Variants in COG5 observed in about 807,000 individuals in gnomAD.
COG5 encodes the protein conserved oligomeric Golgi complex subunit 5.
A neutral mutation model predicts 110.4 loss-of-function variants in COG5; 86 were observed. The ratio of observed to expected loss-of-function variants is 0.78; its 90% CI spans 0.65 to 0.93. The LOEUF (loss-of-function observed/expected upper bound fraction) is 0.93. Among genes scored for constraint, COG5 ranks in the 40% least tolerant of loss-of-function variants. The pLI is 0.00. For synonymous variants in COG5, 360 were observed against 334.6 expected (o/e 1.08, Z -0.83); for missense variants, 1,077 against 987.0 (o/e 1.09, Z -1.22).
Position 107,548,265 on chromosome 7 carries a change from T to C in COG5, c.347+13A>G. On this transcript the variant is annotated intron_variant, in intron 4 of 21. Coordinates refer to ENST00000297135, the MANE Select transcript of COG5 (RefSeq NM_006348.5). ...ATTCCCATTCCATTTATTTATAAAA[T>C]TAAGAACAGTACCTATCAACAGCTC... 1 of 1,609,064 alleles carries C rather than the reference T, an allele frequency of 6.2e-7. No individual in the cohort carries two copies. Among genetic ancestry groups the C allele is most frequent in the Non-Finnish European group, 8.5e-7 (1 of 1,175,450 alleles).
At position 107,548,097 on chromosome 7, in the gene COG5, A is replaced by C. The variant is rs1414164483; in HGVS notation, c.417+14T>G. On this transcript the variant is annotated intron_variant, in intron 5 of 21. Transcript: ENST00000297135. ...TGAATAATAAAGTATAAAGAAATAA[A>C]AGTAAGAAACTACCTGAAGTCTTGC... is the stretch of plus-strand genomic sequence containing the variant. The C allele has an allele frequency of 6.2e-7, 1 of 1,604,300 alleles. No individual in the cohort carries two copies. Among genetic ancestry groups the C allele is most frequent in the South Asian group, 1.1e-5 (1 of 90,728 alleles).
chr7:107,348,095 C>T (rs975334365), intron 10 of COG5, among the ~76,000 whole-genome samples: 1 of 127,432 alleles, frequency 7.8e-6, no homozygotes, highest in African/African-American at 3.0e-5. Flanking sequence ...CACTGAACTC[C>T]AGCCTGGGTG....
At chr7:107,302,102 T>C (rs912717285) in intron 11 of COG5, among the ~76,000 whole-genome samples, 1 of 152,232 alleles carries the variant, frequency 6.6e-6, no homozygotes, top group African/African-American at 2.4e-5. Flanking sequence ...ACAGTATCTT[T>C]ATTTGTAGTA....
intron 19 of COG5, among the ~76,000 whole-genome samples, chr7:107,211,785 T>C (rs1418196173): frequency 2.0e-5 from 3 of 152,368 alleles, no homozygotes; most frequent in African/African-American, 2.4e-5. Flanking sequence ...ATGGGTTTCA[T>C]TGTCCACATT....
chr7:107,364,185 T>C (rs376190033), intron 8 of COG5, among the ~76,000 whole-genome samples: 3 of 152,194 alleles, frequency 2.0e-5, no homozygotes, highest in African/African-American at 7.2e-5. Flanking sequence ...ATCTTACCAA[T>C]AGTATGTTTA....
chr7:107,254,304 C>T (rs902003103), intron 16 of COG5, among the ~76,000 whole-genome samples: 2 of 152,092 alleles, frequency 1.3e-5, no homozygotes, highest in African/African-American at 4.8e-5. Context: ...TACATCGTAA[C>T]TCTCTACCTT....
chr7:107,466,183 G>A (rs1022159119), intron 6 of COG5, among the ~76,000 whole-genome samples: 1 of 152,086 alleles, frequency 6.6e-6, no homozygotes, highest in African/African-American at 2.4e-5. Context: ...GGCAAAGAGG[G>A]ATAGTAAGCA....
intron 6 of COG5, among the ~76,000 whole-genome samples, chr7:107,486,694 G>T (rs1351072021): frequency 6.6e-6 from 1 of 152,104 alleles, no homozygotes; most frequent in East Asian, 1.9e-4. Flanking sequence ...CAACTGAACT[G>T]CAATAGAAAG....
intron 6 of COG5, among the ~76,000 whole-genome samples, chr7:107,434,646 T>C (rs1794239721): frequency 6.6e-6 from 1 of 152,160 alleles, no homozygotes; most frequent in Non-Finnish European, 1.5e-5. Context: ...AAATGTGGCA[T>C]TATAAACCCA....
chr7:107,312,081 C>T (rs1194199738), intron 11 of COG5, among the ~76,000 whole-genome samples: 1 of 148,414 alleles, frequency 6.7e-6, no homozygotes, highest in African/African-American at 2.6e-5. Context: ...ACCACTAATG[C>T]TCCTGCAACC....
chr7:107,254,132 C>CA (rs1258213603), intron 16 of COG5, among the ~76,000 whole-genome samples: 1 of 151,996 alleles, frequency 6.6e-6, no homozygotes, highest in Non-Finnish European at 1.5e-5. Context: ...TGATGAACCT[C>CA]AAGCCTAAAA....
chr7:107,517,242 T>C (rs1206082879), intron 6 of COG5, among the ~76,000 whole-genome samples: 2 of 151,756 alleles, frequency 1.3e-5, no homozygotes, highest in African/African-American at 4.8e-5. Context: ...AGAAAGGATA[T>C]CAGAGTCTGA....
rs1563056700 is a variant in COG5, at chr7:107,476,183, T to TAAAAAAAAAAAA, written c.538+51053_538+51054insTTTTTTTTTTTT. Among the ~76,000 whole-genome samples, 60 of 86,402 alleles carry TAAAAAAAAAAAA rather than the reference T, an allele frequency of 6.9e-4. 2 individuals carry two copies. Among genetic ancestry groups the TAAAAAAAAAAAA allele is most frequent in the African/African-American group, 1.8e-3 (31 of 17,176 alleles). 56.7% of individuals were successfully genotyped at this position (86,402 alleles called of 152,430 possible). ...TCTGGATTAATATAGTGCAATGATTTTAAAAAAAAAAAAAAAAAAAAAAAG... is the reference window on the plus strand; with the variant it reads ...TCTGGATTAATATAGTGCAATGATTTAAAAAAAAAAAATAAAAAAAAAAAAAAAAAAAAAAAG... On this transcript the variant is annotated intron_variant, in intron 6 of 21. Coordinates refer to ENST00000297135, the MANE Select transcript of COG5 (RefSeq NM_006348.5).
At chr7:107,417,053 T>C (rs1792899190) in intron 6 of COG5, among the ~76,000 whole-genome samples, 1 of 152,084 alleles carries the variant, frequency 6.6e-6, no homozygotes, top group African/African-American at 2.4e-5. Flanking sequence ...AAACAGCATA[T>C]ATCCTCCTCC....
chr7:107,411,394 C>T (rs1365799447), intron 7 of COG5, among the ~76,000 whole-genome samples: 1 of 151,662 alleles, frequency 6.6e-6, no homozygotes, highest in Admixed American at 6.6e-5. Flanking sequence ...TACAGGGAGA[C>T]CTAGAGTTAA....
At position 107,557,929 on chromosome 7, in the gene COG5, T is replaced by C. The variant is rs780812712; in HGVS notation, c.234+47A>G. The C allele has an allele frequency of 1.3e-5, 21 of 1,602,586 alleles. No individual in the cohort carries two copies. The South Asian group carries it at 2.2e-4, about 17-fold the overall frequency. ...ATAAGATTACAAAAATGCTAAATTA[T>C]CACTTTAGGCTGAATAATCCATAGG... On this transcript the variant is annotated intron_variant, in intron 2 of 21. Coordinates refer to ENST00000297135, the MANE Select transcript of COG5 (RefSeq NM_006348.5).
intron 6 of COG5, among the ~76,000 whole-genome samples, chr7:107,517,974 G>A (rs566418767): frequency 1.2e-4 from 19 of 152,244 alleles, no homozygotes; most frequent in African/African-American, 4.6e-4. Flanking sequence ...GGGATTACAG[G>A]CATGAGTCAC....
chr7:107,356,156 G>C (rs1038600566), intron 10 of COG5, among the ~76,000 whole-genome samples: 2 of 151,992 alleles, frequency 1.3e-5, no homozygotes, highest in Non-Finnish European at 2.9e-5. Flanking sequence ...TAAAATAAAG[G>C]CTTTTTTGGG....
At chr7:107,343,371 A>G (rs970350893) in intron 10 of COG5, among the ~76,000 whole-genome samples, 1 of 152,198 alleles carries the variant, frequency 6.6e-6, no homozygotes, top group Non-Finnish European at 1.5e-5. Context: ...TTAAAATTAA[A>G]GTAACAAAAA....
Sources: gnomAD v4.1 joint callset for allele counts (sites outside exome capture counted in the v4.1 genomes callset) on GRCh38, gnomAD v4.1.1 for gene constraint, MANE v1.5 for transcripts, NCBI Gene and HGNC (gene_info 2026-07-23, HGNC 2026-07-21) for gene names.